The following CPE variants were observed in gnomAD, a reference collection of about 807,000 sequenced individuals.
CPE encodes the protein carboxypeptidase E.
In CPE, 17 loss-of-function variants were observed where a neutral mutation model predicts 53.5. The observed-to-expected ratio is 0.32, with a 90% CI of 0.22 to 0.48. The LOEUF is 0.48. Among genes scored for constraint, CPE ranks in the 20% least tolerant of loss-of-function variants. CPE has a pLI of 0.99. For synonymous variants in CPE, 226 were observed against 228.8 expected, an observed-to-expected ratio of 0.99 and a Z score of 0.11; for missense variants, 524 against 614.7, an observed-to-expected ratio of 0.85 and a Z score of 1.56.
intron 1 of CPE, among the ~76,000 whole-genome samples, chr4:165,455,806 C>G (rs1351706733): frequency 6.6e-6 from 1 of 152,108 alleles, no homozygotes; most frequent in East Asian, 1.9e-4. Context: ...GCGCCCGCCA[C>G]CACATCTAGC....
intron 1 of CPE, among the ~76,000 whole-genome samples, chr4:165,450,227 A>T (rs190556208): frequency 1.5e-4 from 23 of 152,344 alleles, no homozygotes; most frequent in African/African-American, 5.5e-4. Flanking sequence ...TGAAATACTA[A>T]TACAAACAAA....
intron 3 of CPE, among the ~76,000 whole-genome samples, chr4:165,478,499 G>T (rs1732341997): frequency 6.6e-6 from 1 of 152,100 alleles, no homozygotes; most frequent in Non-Finnish European, 1.5e-5. Flanking sequence ...TGTATTTAGG[G>T]CTGTATCTTT....
At chr4:165,461,250 A>G (rs997225381) in intron 1 of CPE, among the ~76,000 whole-genome samples, 3 of 151,766 alleles carry the variant, frequency 2.0e-5, no homozygotes, top group Non-Finnish European at 4.4e-5. Flanking sequence ...AGCTACTCCA[A>G]GGAAGCTGTA....
chr4:165,444,468 C>T (rs1207132154), intron 1 of CPE, among the ~76,000 whole-genome samples: 2 of 151,708 alleles, frequency 1.3e-5, no homozygotes, highest in African/African-American at 4.9e-5. Flanking sequence ...TCGAGACCAG[C>T]CTGGGCAACA....
chr4:165,406,584 G>T (rs1730958131), intron 1 of CPE, among the ~76,000 whole-genome samples: 1 of 151,942 alleles, frequency 6.6e-6, no homozygotes, highest in East Asian at 1.9e-4. Flanking sequence ...TTACTTTGTT[G>T]CAGCTTTATT....
chr4:165,415,709 T>C (rs1475546094), intron 1 of CPE, among the ~76,000 whole-genome samples: 2 of 152,044 alleles, frequency 1.3e-5, no homozygotes, highest in Non-Finnish European at 2.9e-5. Context: ...TTGTCACAAA[T>C]ATAGCATATA....
chr4:165,495,484 A>G (rs745453942), intron 7 of CPE, 75 bp from the exon 8 acceptor site: 60 of 955,180 alleles, frequency 6.3e-5, no homozygotes, highest in Non-Finnish European at 9.1e-5. Context: ...GGTATTCCTT[A>G]GATGGCATAA....
chr4:165,425,896 A>C (rs1178698280), intron 1 of CPE, among the ~76,000 whole-genome samples: 1 of 152,198 alleles, frequency 6.6e-6, no homozygotes, highest in Admixed American at 6.5e-5. Flanking sequence ...AGCCTCTCAC[A>C]ACAAAGAATG....
At chr4:165,451,680 C>T (rs202217382) in intron 1 of CPE, among the ~76,000 whole-genome samples, 1 of 151,958 alleles carries the variant, frequency 6.6e-6, no homozygotes, top group African/African-American at 2.4e-5. Context: ...TTAGTACAGA[C>T]GGGGTTTCAC....
At chr4:165,441,453 G>GC (rs1219478047) in intron 1 of CPE, among the ~76,000 whole-genome samples, 3 of 152,128 alleles carry the variant, frequency 2.0e-5, no homozygotes, top group African/African-American at 7.2e-5. Flanking sequence ...TGTCTCTGGA[G>GC]CAGACCACTG....
At chr4:165,391,350 G>A (rs4691189) in intron 1 of CPE, among the ~76,000 whole-genome samples, 81,313 of 151,722 alleles carry the variant, frequency 0.54, 22,420 homozygotes, top group African/African-American at 0.68. Flanking sequence ...CAGTAGTACA[G>A]GGAAAACATT....
At chr4:165,390,113 A>G (rs1392116669) in intron 1 of CPE, among the ~76,000 whole-genome samples, 4 of 152,232 alleles carry the variant, frequency 2.6e-5, no homozygotes, top group South Asian at 2.1e-4. Context: ...AGTTATATCA[A>G]TCCATAATTC....
intron 1 of CPE, among the ~76,000 whole-genome samples, chr4:165,461,166 C>CAAAAAAAAA (rs1173022270): frequency 0.016 from 720 of 44,084 alleles, 16 homozygotes; most frequent in African/African-American, 0.043. Context: ...GCCTCTGCCT[C>CAAAAAAAAA]AAAAAAAAAA....
chr4:165,467,717 T>C lies in CPE; in HGVS notation c.534T>C (p.Gly178=), dbSNP rs931878903. The stretch of plus-strand genomic sequence containing the variant: ...GTGAACTCAAGGACTGGTTTGTGGG[T>C]CGAAGCAATGCCCAGGGAATAGATC... ...QPGELKDWFV[G]RSNAQGIDLN... is the part of the protein sequence containing the mutation. The change falls in exon 3 of 9, where the codon GGT becomes GGC. Residue 178 remains glycine (G), a synonymous_variant. Transcript: ENST00000402744. 6.2e-7 allele frequency: 1 copy of C among 1,611,372 alleles called. No individual in the cohort carries two copies. The highest frequency in any genetic ancestry group is 8.5e-7 in the Non-Finnish European group (1 of 1,178,950).
At chr4:165,439,708 G>T (rs1351910716) in intron 1 of CPE, among the ~76,000 whole-genome samples, 2 of 151,952 alleles carry the variant, frequency 1.3e-5, no homozygotes, top group Non-Finnish European at 2.9e-5. Context: ...GAATTATATT[G>T]ATACTAATGA....
intron 1 of CPE, among the ~76,000 whole-genome samples, chr4:165,388,830 A>G (rs1730638293): frequency 6.9e-6 from 1 of 145,060 alleles, no homozygotes; most frequent in African/African-American, 2.7e-5. Context: ...CTATTCAAAC[A>G]TTTTCATTTG....
In CPE at chr4:165,467,765, G is replaced by A; in HGVS notation, c.582G>A (p.Leu194=). ...ATCTGAACCGGAACTTTCCAGACCT[G>A]GATAGGATAGTGTACGTGAATGAGA... is the stretch of plus-strand genomic sequence containing the variant. ...GIDLNRNFPD[L]DRIVYVNEKE... Residue 194 remains leucine, a synonymous_variant, in exon 3 of 9, where the codon CTG becomes CTA. Coordinates refer to ENST00000402744, the MANE Select transcript of CPE (RefSeq NM_001873.4). 6.2e-7 allele frequency: 1 copy of A among 1,613,678 alleles called. No individual in the cohort carries two copies. The highest frequency in any genetic ancestry group is 8.5e-7 in the Non-Finnish European group (1 of 1,179,810).
In CPE at chr4:165,464,605, A is replaced by T; in HGVS notation, c.504+19A>T. The T allele has an allele frequency of 6.3e-7, 1 of 1,576,844 alleles. No homozygotes were observed. Among genetic ancestry groups the T allele is most frequent in the East Asian group, 2.3e-5 (1 of 44,284 alleles). On this transcript the variant is annotated intron_variant, in intron 2 of 8. Coordinates refer to ENST00000402744, the MANE Select transcript of CPE (RefSeq NM_001873.4). ...GTCTCAGGTGAGTGCCAGGCAGCTC[A>T]GATCAGGCGTGCTTTCTTCATTTTC... is the stretch of plus-strand genomic sequence containing the variant.
chr4:165,442,036 GT>G (rs1318749931), intron 1 of CPE, among the ~76,000 whole-genome samples: 1 of 61,328 alleles, frequency 1.6e-5, no homozygotes, highest in Non-Finnish European at 3.1e-5. Flanking sequence ...TTTTTTTTTT[GT>G]TTTTTTTTTG....
Sources: allele counts gnomAD v4.1 joint callset (sites outside exome capture counted in the v4.1 genomes callset), GRCh38; gene constraint gnomAD v4.1.1; transcripts MANE v1.5; gene names NCBI Gene and HGNC (gene_info 2026-07-23, HGNC 2026-07-21).